The following COL11A1 variants were observed in gnomAD, a reference collection of about 807,000 sequenced individuals.
COL11A1 encodes collagen type XI alpha 1 chain.
A neutral mutation model predicts 265.2 loss-of-function variants in COL11A1; 74 were observed. That is an observed-to-expected ratio of 0.28 (90% CI 0.23 to 0.34). The LOEUF (loss-of-function observed/expected upper bound fraction) is 0.34. Among genes scored for constraint, COL11A1 ranks in the 10% least tolerant of loss-of-function variants. The pLI is 1.00. For missense variants in COL11A1, 2,165 were observed against 2,263.6 expected (o/e 0.96, Z 0.88); for synonymous variants, 816 against 727.6 (o/e 1.12, Z -1.96).
At chr1:102,974,773 T>G in intron 36 of COL11A1, 57 bp downstream of exon 36, 1 of 1,321,350 alleles carries the variant, frequency 7.6e-7, no homozygotes, top group African/African-American at 1.4e-5. Context: ...AAGCTGTGAC[T>G]CTCAAAAATG....
Position 103,022,723 on chromosome 1 carries a change from G to C in COL11A1, c.1245+19C>G. ...CATAAATAAGACATACAATGACACA[G>C]TGCATAGTATCAACTTACGCTTGTT... On this transcript the variant is annotated intron_variant, in intron 8 of 66. Transcript: ENST00000370096. 6.2e-7 allele frequency: 1 copy of C among 1,612,680 alleles called. No homozygotes were observed. The highest frequency in any genetic ancestry group is 8.5e-7 in the Non-Finnish European group (1 of 1,179,230).
intron 42 of COL11A1, among the ~76,000 whole-genome samples, chr1:102,943,469 AC>A (rs1658950624): frequency 7.4e-5 from 11 of 149,310 alleles, no homozygotes; most frequent in South Asian, 4.2e-4. Context: ...ACACACACAC[AC>A]ACACACACAC....
chr1:102,924,793 A>G (rs2101097379), intron 46 of COL11A1, among the ~76,000 whole-genome samples: 1 of 152,304 alleles, frequency 6.6e-6, no homozygotes, highest in East Asian at 1.9e-4. Flanking sequence ...TTAATGTGAT[A>G]CTAATACTCT....
chr1:103,052,269 A>G (rs889571688), intron 4 of COL11A1, among the ~76,000 whole-genome samples: 10 of 152,284 alleles, frequency 6.6e-5, no homozygotes, highest in Admixed American at 4.6e-4. Flanking sequence ...TTCTAAAAAA[A>G]ACCTTAATGT....
At chr1:102,967,385 C>T (rs576015738) in intron 37 of COL11A1, among the ~76,000 whole-genome samples, 4 of 151,292 alleles carry the variant, frequency 2.6e-5, no homozygotes, top group Admixed American at 1.3e-4. Context: ...GGACTACAGG[C>T]ACCCGCCACC....
At chr1:103,028,565 CA>C (rs1361523005) in intron 5 of COL11A1, among the ~76,000 whole-genome samples, 1 of 152,098 alleles carries the variant, frequency 6.6e-6, no homozygotes, top group East Asian at 1.9e-4. Flanking sequence ...TATAATCAAT[CA>C]GACAAATATA....
At chr1:103,007,628 A>G (rs545183175) in intron 15 of COL11A1, among the ~76,000 whole-genome samples, 1 of 152,184 alleles carries the variant, frequency 6.6e-6, no homozygotes, top group African/African-American at 2.4e-5. Context: ...GAGGCCCAGG[A>G]GGGCAGATTG....
chr1:103,037,141 T>TA (rs34377305), intron 4 of COL11A1, among the ~76,000 whole-genome samples: 11,765 of 149,240 alleles, frequency 0.079, 524 homozygotes, highest in Middle Eastern at 0.16. Context: ...TATATATAAT[T>TA]TTATATATAT....
At chr1:102,934,353 G>C in intron 46 of COL11A1, 96 bp downstream of exon 46, 1 of 873,640 alleles carries the variant, frequency 1.1e-6, no homozygotes, top group Non-Finnish European at 1.9e-6. Context: ...TTCTTACGTA[G>C]AAAAAAAGAA....
chr1:103,078,964 G>A lies in COL11A1; in HGVS notation c.275-93C>T. 3.5e-6 allele frequency: 3 copies of A among 853,358 alleles called. No homozygotes were observed. The South Asian group carries it at 4.5e-5, about 13-fold the overall frequency. 52.9% of individuals were successfully genotyped at this position (853,358 alleles called of 1,614,324 possible). ...GTGGTATTTTTGAAATTTCTACATG[G>A]CCTTTATAAATCAACTAACTTTGAA... is the stretch of plus-strand genomic sequence containing the variant. On this transcript the variant is annotated intron_variant, in intron 2 of 66. Transcript: ENST00000370096.
intron 1 of COL11A1, among the ~76,000 whole-genome samples, chr1:103,099,349 A>G (rs550060311): frequency 2.0e-5 from 3 of 151,646 alleles, no homozygotes; most frequent in African/African-American, 7.2e-5. Flanking sequence ...TCCAATATAC[A>G]TAAAACATAT....
intron 24 of COL11A1, among the ~76,000 whole-genome samples, chr1:103,000,076 C>A (rs752237533): frequency 2.0e-5 from 3 of 151,884 alleles, no homozygotes; most frequent in Non-Finnish European, 4.4e-5. Context: ...TTTTATCTGG[C>A]TTGGCACAGG....
chr1:102,973,993 AG>A (rs1224987155), intron 36 of COL11A1, among the ~76,000 whole-genome samples: 15 of 152,314 alleles, frequency 9.8e-5, no homozygotes, highest in Admixed American at 4.6e-4. Context: ...AACTGTCTAG[AG>A]GGTGTTTTAA....
At chr1:102,914,258 A>T in intron 52 of COL11A1, 94 bp downstream of exon 52, 1 of 971,304 alleles carries the variant, frequency 1.0e-6, no homozygotes, top group Non-Finnish European at 1.6e-6. Flanking sequence ...TTGGGAGTTC[A>T]CTTAGGTTAT....
chr1:103,074,060 T>C (rs1341707996), intron 4 of COL11A1, among the ~76,000 whole-genome samples: 6 of 152,216 alleles, frequency 3.9e-5, no homozygotes, highest in East Asian at 1.9e-4. Context: ...TAAGTTGTCA[T>C]ATCCAATGAT....
At chr1:102,955,254 GA>G (rs201174348) in intron 41 of COL11A1, among the ~76,000 whole-genome samples, 4 of 149,752 alleles carry the variant, frequency 2.7e-5, no homozygotes, top group Non-Finnish European at 4.5e-5. Flanking sequence ...ATAGGATGAA[GA>G]AAAAAAAATA....
At chr1:103,015,603 C>A (rs1666498056) in intron 12 of COL11A1, 65 bp downstream of exon 12, 3 of 1,239,022 alleles carry the variant, frequency 2.4e-6, no homozygotes, top group South Asian at 1.3e-5. Flanking sequence ...TATGGTTCAA[C>A]AATAAACTTC....
rs370321983 is a variant in COL11A1, at chr1:103,078,885, G to A, written c.275-14C>T. The stretch of plus-strand genomic sequence containing the variant: ...GGAAAGTTCCACCTGAGAAGAAAAG[G>A]CCAAAGAGTTAGAAATTTCCAATTT... On this transcript the variant is annotated splice_polypyrimidine_tract_variant and intron_variant, in intron 2 of 66. Coordinates refer to ENST00000370096, the MANE Select transcript of COL11A1 (RefSeq NM_001854.4). 43 of 1,566,790 alleles carry A rather than the reference G, an allele frequency of 2.7e-5. 1 individual carries two copies. Among genetic ancestry groups the A allele is most frequent in the Middle Eastern group, 1.8e-4 (1 of 5,630 alleles).
intron 2 of COL11A1, 112 bp from the exon 3 acceptor site, chr1:103,078,983 C>T (rs370323388): frequency 1.6e-5 from 12 of 730,886 alleles, no homozygotes; most frequent in East Asian, 1.3e-4. Context: ...AATCAACTAA[C>T]TTTGAATAGT....
Sources: allele counts gnomAD v4.1 joint callset (sites outside exome capture counted in the v4.1 genomes callset), GRCh38; gene constraint gnomAD v4.1.1; transcripts MANE v1.5; gene names NCBI Gene and HGNC (gene_info 2026-07-23, HGNC 2026-07-21).